Variants in EFCAB11 observed in about 807,000 individuals in gnomAD.
EFCAB11 encodes the protein EF-hand calcium binding domain 11, also known as EF-hand calcium-binding domain-containing protein 11.
In EFCAB11, 14 loss-of-function variants were observed where a neutral mutation model predicts 23.0. That is an observed-to-expected ratio of 0.61 (90% CI 0.40 to 0.95). EFCAB11 has a LOEUF of 0.95. EFCAB11 is among the 40% of genes least tolerant of loss of function. EFCAB11 has a pLI of 0.00. For synonymous variants in EFCAB11, 65 were observed against 66.6 expected (o/e 0.98, Z 0.11); for missense variants, 198 against 195.8 (o/e 1.01, Z -0.07).
intron 5 of EFCAB11, among the ~76,000 whole-genome samples, chr14:89,886,583 G>A (rs1237611672): frequency 7.0e-6 from 1 of 143,510 alleles, no homozygotes; most frequent in African/African-American, 2.6e-5. Flanking sequence ...ACTGATTTAA[G>A]TATATCTTAA....
chr14:89,811,529 G>A (rs1187671653), intron 5 of EFCAB11, among the ~76,000 whole-genome samples: 2 of 152,166 alleles, frequency 1.3e-5, no homozygotes, highest in African/African-American at 4.8e-5. Context: ...ATTATCCTAG[G>A]TTATCAAGGT....
chr14:89,909,353 G>C (rs1042055575), intron 5 of EFCAB11, among the ~76,000 whole-genome samples: 1 of 152,174 alleles, frequency 6.6e-6, no homozygotes, highest in Non-Finnish European at 1.5e-5. Flanking sequence ...CAAGGTGGGC[G>C]GATCACCTAT....
At chr14:89,906,203 A>G (rs1350388387) in intron 5 of EFCAB11, among the ~76,000 whole-genome samples, 1 of 151,578 alleles carries the variant, frequency 6.6e-6, no homozygotes, top group Non-Finnish European at 1.5e-5. Flanking sequence ...AAATAAATAA[A>G]TAAATAAATA....
At chr14:89,953,622 C>A (rs1465954177) in intron 2 of EFCAB11, among the ~76,000 whole-genome samples, 4 of 152,230 alleles carry the variant, frequency 2.6e-5, no homozygotes, top group Non-Finnish European at 5.9e-5. Flanking sequence ...TACCAACACT[C>A]CCCTCTCAGT....
chr14:89,890,369 T>C (rs952635560), intron 5 of EFCAB11, among the ~76,000 whole-genome samples: 3 of 152,164 alleles, frequency 2.0e-5, no homozygotes, highest in African/African-American at 7.2e-5. Flanking sequence ...TAAACAGCAA[T>C]AGAAGATAAA....
rs60456282 is a variant in EFCAB11 at position 89,930,320 on chromosome 14, TAA to T, written c.410+1219_410+1220del. Among the ~76,000 whole-genome samples the T allele has an allele frequency of 8.8e-3, 1,339 of 152,340 alleles. 15 individuals carry two copies. The highest frequency in any genetic ancestry group is 0.034 in the South Asian group (165 of 4,828). ...AGGGCTGGCTCTGGTCATATTTCAT[TAA>T]GTTACTTTTATCCCAAATGGGAACA... On this transcript the variant is annotated intron_variant, in intron 5 of 5. Coordinates refer to ENST00000316738, the MANE Select transcript of EFCAB11 (RefSeq NM_145231.4).
chr14:89,937,689 C>T (rs1026972456), intron 3 of EFCAB11, among the ~76,000 whole-genome samples: 1 of 152,010 alleles, frequency 6.6e-6, no homozygotes, highest in Non-Finnish European at 1.5e-5. Flanking sequence ...TCACACCCGG[C>T]TAATTTTTGT....
intron 3 of EFCAB11, among the ~76,000 whole-genome samples, chr14:89,949,772 T>G (rs896512769): frequency 6.6e-6 from 1 of 152,180 alleles, no homozygotes; most frequent in Non-Finnish European, 1.5e-5. Context: ...AGAAGTTTAA[T>G]GGACTTACAT....
In EFCAB11 at chr14:89,880,909, A is replaced by G. The variant is rs1163882228; in HGVS notation, c.410+50632T>C. Among the ~76,000 whole-genome samples the G allele has an allele frequency of 5.9e-5, 9 of 152,160 alleles. No homozygotes were observed. The East Asian group carries it at 1.7e-3, about 29-fold the overall frequency. On this transcript the variant is annotated intron_variant, in intron 5 of 5. Coordinates refer to ENST00000316738, the MANE Select transcript of EFCAB11 (RefSeq NM_145231.4). The stretch of plus-strand genomic sequence containing the variant: ...TACATAGATGCCTACATGCACATGG[A>G]AAGTTACTGTGCTTCTGCATCTCAT...
intron 5 of EFCAB11, among the ~76,000 whole-genome samples, chr14:89,832,133 T>C (rs1458438280): frequency 6.6e-6 from 1 of 152,070 alleles, no homozygotes; most frequent in Non-Finnish European, 1.5e-5. Flanking sequence ...GCCAACATGG[T>C]GAAACCCCAT....
intron 4 of EFCAB11, 46 bp from the exon 5 acceptor site, chr14:89,931,677 A>G (rs781657473): frequency 1.3e-6 from 2 of 1,507,048 alleles, no homozygotes; most frequent in Non-Finnish European, 1.8e-6. Context: ...AATAAGACCT[A>G]TCAACTGTTA....
chr14:89,857,511 C>CTT (rs67661065), intron 5 of EFCAB11, among the ~76,000 whole-genome samples: 2 of 151,740 alleles, frequency 1.3e-5, no homozygotes, highest in Non-Finnish European at 2.9e-5. Context: ...CCTGGTCTTT[C>CTT]TTTTTTTTCT....
At chr14:89,835,921 C>T (rs1716639317) in intron 5 of EFCAB11, among the ~76,000 whole-genome samples, 1 of 152,160 alleles carries the variant, frequency 6.6e-6, no homozygotes, top group African/African-American at 2.4e-5. Context: ...AGCCACTGCA[C>T]CTGGCCCAAC....
At chr14:89,821,139 C>T (rs1200791037) in intron 5 of EFCAB11, among the ~76,000 whole-genome samples, 1 of 152,004 alleles carries the variant, frequency 6.6e-6, no homozygotes, top group Non-Finnish European at 1.5e-5. Flanking sequence ...TGGGATTACA[C>T]CTGTGAACCA....
chr14:89,832,985 T>C (rs1420919827), intron 5 of EFCAB11: 6 of 152,194 alleles, frequency 3.9e-5, no homozygotes, highest in Non-Finnish European at 7.3e-5. Flanking sequence ...CATTTTCATG[T>C]CTCATCTATC....
Position 89,888,687 on chromosome 14 carries a change from ATATCAAGGACACATTTAGAAGGT to A in EFCAB11, c.410+42831_410+42853del, listed in dbSNP as rs531190559. 1.9e-4 allele frequency among the ~76,000 whole-genome samples: 29 copies of A among 152,312 alleles called. No individual in the cohort carries two copies. In the East Asian group the frequency reaches 5.4e-3, roughly 28 times the overall value. ...TTGGGTGGGAACAAATGTCCAAACTATATCAAGGACACATTTAGAAGGTACCATCTGTGAACCAGAAAGTGGGC... is the reference window on the plus strand; with the variant it reads ...TTGGGTGGGAACAAATGTCCAAACTAACCATCTGTGAACCAGAAAGTGGGC... On this transcript the variant is annotated intron_variant, in intron 5 of 5. Transcript: ENST00000316738.
chr14:89,812,542 T>C (rs1886181953), intron 5 of EFCAB11, among the ~76,000 whole-genome samples: 1 of 152,178 alleles, frequency 6.6e-6, no homozygotes, highest in Non-Finnish European at 1.5e-5. Flanking sequence ...TTAGAACATA[T>C]TGTCAGAACT....
intron 5 of EFCAB11, among the ~76,000 whole-genome samples, chr14:89,850,669 T>A (rs1887576261): frequency 6.6e-6 from 1 of 152,244 alleles, no homozygotes. Flanking sequence ...GATATGTATG[T>A]ATGTGTGTGT....
chr14:89,939,012 T>G (rs926001769), intron 3 of EFCAB11, among the ~76,000 whole-genome samples: 1 of 141,872 alleles, frequency 7.0e-6, no homozygotes, highest in African/African-American at 2.6e-5. Flanking sequence ...AATAGAGAAA[T>G]CTGAACCAAT....
Sources: gnomAD v4.1 joint callset for allele counts (sites outside exome capture counted in the v4.1 genomes callset) on GRCh38, gnomAD v4.1.1 for gene constraint, MANE v1.5 for transcripts, NCBI Gene and HGNC (gene_info 2026-07-23, HGNC 2026-07-21) for gene names.